The following LHFPL2 variants were observed in gnomAD, a reference collection of about 807,000 sequenced individuals.
LHFPL2 encodes LHFPL tetraspan subfamily member 2.
A neutral mutation model predicts 17.5 loss-of-function variants in LHFPL2; 7 were observed. That is an observed-to-expected ratio of 0.40 (90% CI 0.23 to 0.75). The LOEUF (loss-of-function observed/expected upper bound fraction) is 0.75. Among genes scored for constraint, LHFPL2 ranks in the 30% least tolerant of loss-of-function variants. The probability of loss-of-function intolerance (pLI) is 0.37; values close to 1 mark genes in which losing one functional copy is unlikely to be tolerated. For missense variants in LHFPL2, 241 were observed against 294.8 expected (o/e 0.82, Z 1.34); for synonymous variants, 134 against 116.2 (o/e 1.15, Z -0.99).
rs1754241763 is a variant in LHFPL2, at chr5:78,486,394, GAAAA to G, written c.*2499_*2502del. On this transcript the variant is annotated 3_prime_UTR_variant, in exon 5 of 5. Coordinates refer to ENST00000380345, the MANE Select transcript of LHFPL2 (RefSeq NM_005779.3). Reference sequence around the variant, plus strand: ...GTAGTAATAATGGTCCTATTTATTAGAAAAATAAGTGTGAGCCAACAATCTATTT... The same window carrying G: ...GTAGTAATAATGGTCCTATTTATTAGATAAGTGTGAGCCAACAATCTATTT... 6.6e-6 allele frequency: 1 copy of G among 152,112 alleles called. No individual in the cohort carries two copies. Among genetic ancestry groups the G allele is most frequent in the Admixed American group, 6.5e-5 (1 of 15,270 alleles). The allele number at this position is 152,112 out of a possible 1,614,324, so 9.4% of individuals were successfully genotyped here.
At chr5:78,530,801 G>T (rs1404541518) in intron 3 of LHFPL2, among the ~76,000 whole-genome samples, 2 of 152,202 alleles carry the variant, frequency 1.3e-5, no homozygotes, top group Non-Finnish European at 1.5e-5. Context: ...GAAGGATTAG[G>T]ATTGTTTCTT....
chr5:78,488,455 G>A lies in LHFPL2; in HGVS notation c.*442C>T, dbSNP rs1459104770. ...GTTTTCTGTTCGTTGGAGACAACTT[G>A]AAAGAACAGAGGAAAACAAGAACTC... On this transcript the variant is annotated 3_prime_UTR_variant, in exon 5 of 5. Transcript: ENST00000380345. 8 of 208,114 alleles carry A rather than the reference G, an allele frequency of 3.8e-5. No homozygotes were observed. The highest frequency in any genetic ancestry group is 1.8e-4 in the African/African-American group (8 of 43,622). 12.9% of individuals were successfully genotyped at this position (208,114 alleles called of 1,614,324 possible).
chr5:78,527,374 T>TTG (rs1554053277), intron 3 of LHFPL2, among the ~76,000 whole-genome samples: 15 of 150,744 alleles, frequency 1.0e-4, no homozygotes, highest in Non-Finnish European at 5.9e-5. Flanking sequence ...TTTTTTTTTT[T>TTG]TTTTTTTTTT....
At chr5:78,644,426 C>T in intron 1 of LHFPL2, 2 of 701,618 alleles carry the variant, frequency 2.9e-6, no homozygotes, top group Non-Finnish European at 5.0e-6. Context: ...TTTCATAAGG[C>T]TGCTTATCAT....
At position 78,516,668 on chromosome 5, in the gene LHFPL2, T is replaced by G. The variant is rs1408376021; in HGVS notation, c.-185-6270A>C. 7.9e-5 allele frequency among the ~76,000 whole-genome samples: 12 copies of G among 152,330 alleles called. No individual in the cohort carries two copies. The East Asian group carries it at 2.1e-3, about 27-fold the overall frequency. On this transcript the variant is annotated intron_variant, in intron 3 of 4. Coordinates refer to ENST00000380345, the MANE Select transcript of LHFPL2 (RefSeq NM_005779.3). ...ATGCGTATGTCTATAATCTGCGCAT[T>G]CATGATATTTACTAAATTAAATATA...
intron 3 of LHFPL2, among the ~76,000 whole-genome samples, chr5:78,527,364 T>TG (rs1755649046): frequency 2.3e-5 from 1 of 44,006 alleles, no homozygotes; most frequent in Admixed American, 1.8e-4. Flanking sequence ...TGATGAGGAG[T>TG]TTTTTTTTTT....
chr5:78,635,798 G>A lies in LHFPL2; in HGVS notation c.-349-3430C>T, dbSNP rs373217025. On this transcript the variant is annotated intron_variant, in intron 1 of 4. Transcript: ENST00000380345. ...AGCCTGGGTGACAGAGCGAGACTCC[G>A]TCTCAAAAACAAACAAACAAACAAA... 3.3e-3 allele frequency among the ~76,000 whole-genome samples: 460 copies of A among 140,770 alleles called. 3 individuals carry two copies. The highest frequency in any genetic ancestry group is 0.012 in the African/African-American group (437 of 35,450). 92.4% of individuals were successfully genotyped at this position (140,770 alleles called of 152,430 possible). A position where few individuals can be genotyped will look rare whatever the true frequency, so the allele number is the denominator to read the frequency against.
intron 2 of LHFPL2, among the ~76,000 whole-genome samples, chr5:78,631,293 T>G (rs1745237373): frequency 6.6e-6 from 1 of 152,214 alleles, no homozygotes; most frequent in African/African-American, 2.4e-5. Context: ...AGGGTCTAGT[T>G]GACAACTCTG....
At chr5:78,611,916 G>T (rs778479403) in intron 2 of LHFPL2, among the ~76,000 whole-genome samples, 9 of 152,188 alleles carry the variant, frequency 5.9e-5, no homozygotes, top group Non-Finnish European at 1.2e-4. Flanking sequence ...CGAGTTCTGA[G>T]AACGCATGCA....
intron 2 of LHFPL2, among the ~76,000 whole-genome samples, chr5:78,623,474 AAGAG>A (rs1314154512): frequency 6.6e-6 from 1 of 152,220 alleles, no homozygotes; most frequent in Admixed American, 6.5e-5. Flanking sequence ...AAGAGAAAGA[AAGAG>A]AGAGAGAACT....
intron 3 of LHFPL2, among the ~76,000 whole-genome samples, chr5:78,556,105 G>C (rs1379335418): frequency 1.3e-5 from 2 of 152,146 alleles, no homozygotes; most frequent in Non-Finnish European, 2.9e-5. Context: ...CCAGATGGGG[G>C]CAGTCACAAC....
intron 3 of LHFPL2, among the ~76,000 whole-genome samples, chr5:78,516,432 T>C (rs766524646): frequency 1.4e-4 from 21 of 152,072 alleles, no homozygotes; most frequent in Non-Finnish European, 2.9e-4. Context: ...TCTGAAGGCA[T>C]TTGGGGCTGT....
chr5:78,638,269 G>A (rs1380706106), intron 1 of LHFPL2, among the ~76,000 whole-genome samples: 1 of 152,148 alleles, frequency 6.6e-6, no homozygotes, highest in African/African-American at 2.4e-5. Context: ...GCAGGAGAAT[G>A]GTGTAACCAG....
intron 3 of LHFPL2, among the ~76,000 whole-genome samples, chr5:78,545,281 C>T (rs1756236404): frequency 2.0e-5 from 3 of 152,282 alleles, no homozygotes; most frequent in African/African-American, 7.2e-5. Context: ...GAGGCAACAC[C>T]GAAGGCTCTA....
intron 2 of LHFPL2, among the ~76,000 whole-genome samples, chr5:78,614,137 C>T (rs978299190): frequency 2.0e-5 from 3 of 152,212 alleles, no homozygotes; most frequent in African/African-American, 4.8e-5. Context: ...AAGGGTTTAG[C>T]TCCAAGTTTT....
At chr5:78,513,151 C>T (rs530609925) in intron 3 of LHFPL2, among the ~76,000 whole-genome samples, 9 of 152,152 alleles carry the variant, frequency 5.9e-5, no homozygotes, top group Non-Finnish European at 1.3e-4. Flanking sequence ...AATGACTACT[C>T]GAGTGTCCAC....
At chr5:78,593,928 T>G (rs2112464210) in intron 2 of LHFPL2, among the ~76,000 whole-genome samples, 1 of 152,318 alleles carries the variant, frequency 6.6e-6, no homozygotes. Flanking sequence ...GGATATCTCA[T>G]TCCTATTCGT....
At chr5:78,561,929 C>G (rs1474582155) in intron 3 of LHFPL2, among the ~76,000 whole-genome samples, 1 of 152,184 alleles carries the variant, frequency 6.6e-6, no homozygotes, top group Non-Finnish European at 1.5e-5. Context: ...CCTAAATTCA[C>G]ACTTTTCAAA....
At chr5:78,644,555 G>T in intron 1 of LHFPL2, 1 of 532,472 alleles carries the variant, frequency 1.9e-6, no homozygotes, top group South Asian at 2.4e-5. Flanking sequence ...AAGGCCAGAG[G>T]AGGCCTCTTG....
Sources: allele counts gnomAD v4.1 joint callset (sites outside exome capture counted in the v4.1 genomes callset), GRCh38; gene constraint gnomAD v4.1.1; transcripts MANE v1.5; gene names NCBI Gene and HGNC (gene_info 2026-07-23, HGNC 2026-07-21).